COBLL1: variants seen among roughly 807,000 people sequenced by gnomAD.
COBLL1 encodes the protein cordon-bleu WH2 repeat protein like 1.
A neutral mutation model predicts 94.8 loss-of-function variants in COBLL1; 50 were observed. The observed-to-expected ratio is 0.53, with a 90% CI of 0.42 to 0.67. The LOEUF is 0.67. Ranked by LOEUF, COBLL1 falls within the 30% of genes least tolerant of loss-of-function variation. COBLL1 has a pLI of 0.00. For missense variants in COBLL1, 1,362 were observed against 1,348.7 expected (o/e 1.01, Z -0.15); for synonymous variants, 448 against 473.8 (o/e 0.95, Z 0.71).
At chr2:164,664,871 G>A (rs955909082) in intron 2 of COBLL1, among the ~76,000 whole-genome samples, 1 of 152,122 alleles carries the variant, frequency 6.6e-6, no homozygotes, top group African/African-American at 2.4e-5. Context: ...TTTAAGAGCT[G>A]GCATTGAGTT....
downstream of COBLL1, among the ~76,000 whole-genome samples, chr2:164,677,236 G>GTTTCTTTC (rs141018358): frequency 3.3e-5 from 5 of 151,830 alleles, no homozygotes; most frequent in African/African-American, 9.7e-5. Flanking sequence ...AACTTGGGCT[G>GTTTCTTTC]TTTCTTTCTT....
At chr2:164,677,960 AAT>A (rs1239503202), downstream of COBLL1, among the ~76,000 whole-genome samples, 1 of 152,154 alleles carries the variant, frequency 6.6e-6, no homozygotes, top group Admixed American at 6.6e-5. Flanking sequence ...AACTTTTGTC[AAT>A]AGGCTCAAAT....
chr2:164,813,431 T>C (rs997322011), intron 2 of COBLL1, among the ~76,000 whole-genome samples: 2 of 152,100 alleles, frequency 1.3e-5, no homozygotes, highest in African/African-American at 4.8e-5. Flanking sequence ...CATGGTTGCT[T>C]TTTTAGCTAA....
upstream of COBLL1, chr2:164,842,002 C>CTG: frequency 1.9e-6 from 3 of 1,540,206 alleles, no homozygotes; most frequent in Non-Finnish European, 2.6e-6. Flanking sequence ...GCCGCCGCCT[C>CTG]TGCAGCACGG....
rs77586477 is a variant in COBLL1, at chr2:164,731,041, G to A, written c.231-926C>T. ...AGTGTCAGCAAACCACAATGTGCAG[G>A]TCAAAATGGGCCCACAGTCTGTTTT... On this transcript the variant is annotated intron_variant, in intron 3 of 13. Coordinates refer to ENST00000652658, the MANE Select transcript of COBLL1 (RefSeq NM_001365672.2). 1.5e-3 allele frequency among the ~76,000 whole-genome samples: 223 copies of A among 152,236 alleles called. 6 individuals carry two copies. The East Asian group carries it at 0.042, about 28-fold the overall frequency.
intron 2 of COBLL1, among the ~76,000 whole-genome samples, chr2:164,665,666 T>C (rs1223028671): frequency 6.6e-6 from 1 of 152,150 alleles, no homozygotes; most frequent in Non-Finnish European, 1.5e-5. Context: ...ATGGTAGCTA[T>C]TTTTTAATTA....
intron 2 of COBLL1, among the ~76,000 whole-genome samples, chr2:164,832,836 G>C (rs1184711554): frequency 1.3e-5 from 2 of 151,868 alleles, no homozygotes. Context: ...CTGAGGACGG[G>C]AGTTTCAGAC....
At chr2:164,802,137 T>C (rs528246144) in intron 2 of COBLL1, among the ~76,000 whole-genome samples, 1 of 152,340 alleles carries the variant, frequency 6.6e-6, no homozygotes, top group African/African-American at 2.4e-5. Flanking sequence ...TCAAATTAGA[T>C]AGCAGATTAA....
chr2:164,694,098 G>C (rs1299839065), intron 12 of COBLL1, among the ~76,000 whole-genome samples, 171 bp downstream of exon 12: 5 of 152,102 alleles, frequency 3.3e-5, no homozygotes, highest in Non-Finnish European at 5.9e-5. Context: ...AGTTATAATT[G>C]TGAGCAAATA....
chr2:164,782,549 T>C (rs1688767167), intron 2 of COBLL1, among the ~76,000 whole-genome samples: 1 of 152,144 alleles, frequency 6.6e-6, no homozygotes, highest in Admixed American at 6.6e-5. Context: ...AGGGACTGCT[T>C]TATGAGTACA....
rs112855000 is a variant in COBLL1 at position 164,665,240 on chromosome 2, A to G, written n.181+607T>C. 2.5e-3 allele frequency among the ~76,000 whole-genome samples: 378 copies of G among 151,854 alleles called. 4 individuals are homozygous for G. Among genetic ancestry groups the G allele is most frequent in the African/African-American group, 7.6e-3 (313 of 41,418 alleles). Reference sequence around the variant, plus strand: ...CAGCTACTCAGGAGGCTGAGACATGAGAATCATTTGAACCCAGGGACAGAG... The same window carrying G: ...CAGCTACTCAGGAGGCTGAGACATGGGAATCATTTGAACCCAGGGACAGAG... On this transcript the variant is annotated intron_variant and non_coding_transcript_variant, in intron 2 of 2. Transcript: ENST00000495084.
At chr2:164,727,562 A>G (rs1306500787) in intron 5 of COBLL1, among the ~76,000 whole-genome samples, 1 of 152,024 alleles carries the variant, frequency 6.6e-6, no homozygotes, top group Non-Finnish European at 1.5e-5. Context: ...ATGATAATTA[A>G]GACTCAGACA....
rs1307277039 is a variant in COBLL1, at chr2:164,841,725, A to G, written c.-66T>C. On this transcript the variant is annotated 5_prime_UTR_variant, in exon 1 of 14. Transcript: ENST00000652658. This position sits in a 1 kb window ranked among gnomAD's most constrained non-coding sequence, Gnocchi z 5.5. ...AGGCTCCTACGTTCTTTTCCAAAGG[A>G]GACAGTAGCTCGCCTGTTCTCCCTC... 7.8e-6 allele frequency: 4 copies of G among 510,426 alleles called. No homozygotes were observed. The East Asian group carries it at 1.4e-4, about 18-fold the overall frequency. 31.6% of individuals were successfully genotyped at this position (510,426 alleles called of 1,614,324 possible).
At chr2:164,769,755 C>G (rs1486130991) in intron 2 of COBLL1, among the ~76,000 whole-genome samples, 1 of 152,006 alleles carries the variant, frequency 6.6e-6, no homozygotes, top group African/African-American at 2.4e-5. Flanking sequence ...AACTCTAAAC[C>G]AGGAAGGGAA....
intron 7 of COBLL1, among the ~76,000 whole-genome samples, chr2:164,714,181 A>AT: frequency 6.7e-6 from 1 of 148,806 alleles, no homozygotes. Flanking sequence ...ACACACACAC[A>AT]TTAAAAAATC....
chr2:164,812,760 T>C (rs1272462403), intron 2 of COBLL1, among the ~76,000 whole-genome samples: 4 of 152,116 alleles, frequency 2.6e-5, no homozygotes, highest in African/African-American at 7.2e-5. Flanking sequence ...GTTAGTTGAT[T>C]CTTGTATTAA....
Position 164,841,376 on chromosome 2 carries a change from C to A in COBLL1, c.-50-130G>T. 1 of 1,183,288 alleles carries A rather than the reference C, an allele frequency of 8.5e-7. No individual in the cohort carries two copies. The allele number at this position is 1,183,288 out of a possible 1,614,324, so 73.3% of individuals were successfully genotyped here. A position where few individuals can be genotyped will look rare whatever the true frequency, so the allele number is the denominator to read the frequency against. ...GCCGGCCCGCCTCCCGGGTGCGCTT[C>A]CACCTGCGGGCCCCGGCTCCCAGCC... is the stretch of plus-strand genomic sequence containing the variant. On this transcript the variant is annotated intron_variant, in intron 1 of 13. Coordinates refer to ENST00000652658, the MANE Select transcript of COBLL1 (RefSeq NM_001365672.2). The surrounding 1 kb of genome is among the most constrained non-coding windows in gnomAD (Gnocchi z 5.5).
At position 164,705,084 on chromosome 2, in the gene COBLL1, C is replaced by T; in HGVS notation, c.1018G>A (p.Val340Met). The change falls in exon 8 of 14, where the codon GTG (valine) becomes ATG (methionine). Residue 340 changes from valine to methionine, a missense_variant. Val to Met is a conservative substitution (Grantham distance 21). Transcript: ENST00000652658. ...TDKSPCEAGR[V>M]RAGSLQLSSM... ...CTGAGCTGCAGTGAACCTGCCCTCA[C>T]TCTTCCTGCTTCACAGGGACTCTGG... The T allele has an allele frequency of 1.3e-6, 2 of 1,546,702 alleles. No individual in the cohort carries two copies. Among genetic ancestry groups the T allele is most frequent in the South Asian group, 1.3e-5 (1 of 79,780 alleles).
intron 5 of COBLL1, among the ~76,000 whole-genome samples, chr2:164,726,052 A>C (rs1210730070): frequency 6.6e-6 from 1 of 152,204 alleles, no homozygotes; most frequent in East Asian, 1.9e-4. Context: ...TCACTCTCTT[A>C]AGATTTGTCC....
Sources: gnomAD v4.1 joint callset for allele counts (sites outside exome capture counted in the v4.1 genomes callset) on GRCh38, gnomAD v4.1.1 for gene constraint, Gnocchi (gnomAD v3.1) non-coding constraint, MANE v1.5 for transcripts, NCBI Gene and HGNC (gene_info 2026-07-23, HGNC 2026-07-21) for gene names.